C10orf67: variants seen among roughly 807,000 people sequenced by gnomAD.
The protein encoded by C10orf67 is uncharacterized protein C10orf67, mitochondrial.
C10orf67 carries 60 observed loss-of-function variants against 35.6 expected under a neutral mutation model. That is an observed-to-expected ratio of 1.68 (90% CI 1.37 to 2.09). C10orf67 has a LOEUF of 2.09. Ranked by LOEUF, C10orf67 falls within the 30% of genes most tolerant of loss-of-function variation. C10orf67 has a pLI of 0.00. For synonymous variants in C10orf67, 167 were observed against 115.8 expected (o/e 1.44, Z -2.84); for missense variants, 474 against 330.2 (o/e 1.44, Z -3.38).
At chr10:23,215,876 G>A (rs1295791689) in intron 15 of C10orf67, among the ~76,000 whole-genome samples, 1 of 152,160 alleles carries the variant, frequency 6.6e-6, no homozygotes, top group Non-Finnish European at 1.5e-5. Flanking sequence ...CAGGTAAAGG[G>A]GGAAAACCAG....
Position 23,227,051 on chromosome 10 carries a change from A to C in C10orf67, c.1435-3233T>G, listed in dbSNP as rs969306970. On this transcript the variant is annotated intron_variant, in intron 13 of 15. Transcript: ENST00000636213. ...AACCATTCCTTCTGAAACTATTCCA[A>C]TCAATAGAAAAAGAGGGAATCCTCC... 2.6e-5 allele frequency among the ~76,000 whole-genome samples: 4 copies of C among 152,218 alleles called. 1 individual carries two copies. The highest frequency in any genetic ancestry group is 9.6e-5 in the African/African-American group (4 of 41,460).
intron 4 of C10orf67, among the ~76,000 whole-genome samples, chr10:23,312,141 C>G (rs1266745429): frequency 6.6e-6 from 1 of 152,050 alleles, no homozygotes; most frequent in East Asian, 1.9e-4. Flanking sequence ...TGCATTTACT[C>G]CCAGTTAAAG....
Position 23,318,767 on chromosome 10 carries a change from T to C in C10orf67, c.546+1974A>G, listed in dbSNP as rs1759170848. The C allele has an allele frequency of 4.6e-6, 3 of 657,030 alleles. No individual in the cohort carries two copies. In the Admixed American group the frequency reaches 7.3e-5, roughly 16 times the overall value. The allele number at this position is 657,030 out of a possible 1,614,324, so 40.7% of individuals were successfully genotyped here. ...TAACAGTGGCTTAGACACTGAGGGG[T>C]TGTTATCTCATGAATAAGAGGCCAG... is the stretch of plus-strand genomic sequence containing the variant. On this transcript the variant is annotated intron_variant, in intron 4 of 15. Coordinates refer to ENST00000636213, the MANE Select transcript of C10orf67 (RefSeq NM_001371909.1).
intron 5 of C10orf67, among the ~76,000 whole-genome samples, chr10:23,292,918 C>T (rs184685014): frequency 2.2e-4 from 33 of 151,754 alleles, no homozygotes; most frequent in East Asian, 1.9e-3. Context: ...TCTTAATAAA[C>T]GAAGAATCCG....
intron 1 of C10orf67, among the ~76,000 whole-genome samples, chr10:23,341,879 T>C (rs924834870): frequency 6.6e-6 from 1 of 152,152 alleles, no homozygotes; most frequent in Non-Finnish European, 1.5e-5. Context: ...ATTTCTAAAA[T>C]CTGCAGTCCA....
At chr10:23,224,443 A>G (rs1841676961) in intron 13 of C10orf67, among the ~76,000 whole-genome samples, 1 of 152,206 alleles carries the variant, frequency 6.6e-6, no homozygotes, top group Non-Finnish European at 1.5e-5. Context: ...CAGAGCAGAA[A>G]AGCTGAAAAT....
intron 2 of C10orf67, among the ~76,000 whole-genome samples, chr10:23,327,300 T>C (rs1288289730): frequency 6.6e-6 from 1 of 152,112 alleles, no homozygotes; most frequent in Non-Finnish European, 1.5e-5. Context: ...AAATTAGCTA[T>C]TAAAAGAAAT....
chr10:23,220,869 CTTTGAT>C (rs1225300705), intron 15 of C10orf67, among the ~76,000 whole-genome samples: 12 of 152,274 alleles, frequency 7.9e-5, no homozygotes. Context: ...GAAGTTCAAC[CTTTGAT>C]GCCAATATGA....
At chr10:23,253,138 T>C (rs114889489) in intron 10 of C10orf67, among the ~76,000 whole-genome samples, 2,280 of 152,308 alleles carry the variant, frequency 0.015, 54 homozygotes, top group African/African-American at 0.052. Flanking sequence ...TTAAACCCCT[T>C]CTTCCCAGTC....
Position 23,322,554 on chromosome 10 carries a change from T to C in C10orf67, c.328-17A>G, listed in dbSNP as rs765917423. The C allele has an allele frequency of 6.4e-7, 1 of 1,555,108 alleles. No homozygotes were observed. The highest frequency in any genetic ancestry group is 1.1e-5 in the South Asian group (1 of 87,924). On this transcript the variant is annotated splice_polypyrimidine_tract_variant and intron_variant, in intron 2 of 15. Transcript: ENST00000636213. ...TTTCATCATCTAAAAATGGAAAATA[T>C]TATCCTTAGCGAAGTAACACAGGAA... is the stretch of plus-strand genomic sequence containing the variant.
chr10:23,202,107 T>C (rs1209867114), downstream of C10orf67: 2 of 152,282 alleles, frequency 1.3e-5, no homozygotes. Flanking sequence ...CTGTGCGTGC[T>C]CAGGACCCCA....
intron 8 of C10orf67, 115 bp from the exon 9 acceptor site, chr10:23,267,369 C>A (rs953437563): frequency 5.6e-6 from 3 of 537,128 alleles, no homozygotes; most frequent in African/African-American, 3.8e-5. Flanking sequence ...ATTTGTCTCC[C>A]AAAACGATTA....
chr10:23,329,797 CAAAAAAA>C (rs398013008), intron 2 of C10orf67, among the ~76,000 whole-genome samples: 6 of 48,080 alleles, frequency 1.2e-4, no homozygotes, highest in Middle Eastern at 0.017. Flanking sequence ...GAACTTGTCT[CAAAAAAA>C]AAAAAAAAAA....
chr10:23,309,451 T>G (rs758391362), intron 4 of C10orf67, among the ~76,000 whole-genome samples: 1 of 152,146 alleles, frequency 6.6e-6, no homozygotes, highest in Non-Finnish European at 1.5e-5. Flanking sequence ...ATGTTCAATA[T>G]TGGGGGATGG....
intron 15 of C10orf67, among the ~76,000 whole-genome samples, chr10:23,222,439 A>C (rs1225201509): frequency 6.6e-6 from 1 of 152,178 alleles, no homozygotes; most frequent in Non-Finnish European, 1.5e-5. Flanking sequence ...GTTCTCACTT[A>C]TAAGAGCTAA....
chr10:23,265,028 G>A (rs956741500), intron 10 of C10orf67, among the ~76,000 whole-genome samples: 2 of 152,246 alleles, frequency 1.3e-5, no homozygotes, highest in African/African-American at 4.8e-5. Context: ...CTAGAACGTA[G>A]TCACTGGTCA....
intron 1 of C10orf67, among the ~76,000 whole-genome samples, chr10:23,334,875 TA>T (rs1312395948): frequency 6.6e-6 from 1 of 152,104 alleles, no homozygotes; most frequent in Non-Finnish European, 1.5e-5. Context: ...AGCCAGGGCA[TA>T]GATGATGAGC....
At chr10:23,274,600 T>A (rs1288252805) in intron 8 of C10orf67, among the ~76,000 whole-genome samples, 1 of 152,188 alleles carries the variant, frequency 6.6e-6, no homozygotes, top group African/African-American at 2.4e-5. Flanking sequence ...TCAGACCTTA[T>A]GGTTATCTTT....
intron 10 of C10orf67, among the ~76,000 whole-genome samples, chr10:23,255,258 A>G (rs1842569882): frequency 6.6e-6 from 1 of 152,244 alleles, no homozygotes; most frequent in Non-Finnish European, 1.5e-5. Context: ...AAAACAAAAC[A>G]TTTATCTACA....
Sources: allele counts gnomAD v4.1 joint callset (sites outside exome capture counted in the v4.1 genomes callset), GRCh38; gene constraint gnomAD v4.1.1; transcripts MANE v1.5; gene names NCBI Gene and HGNC (gene_info 2026-07-23, HGNC 2026-07-21).